Variants in MBD2 observed in about 807,000 individuals in gnomAD.
MBD2 encodes the protein methyl-CpG-binding domain protein 2.
A neutral mutation model predicts 39.3 loss-of-function variants in MBD2; 9 were observed. The ratio of observed to expected loss-of-function variants is 0.23; its 90% CI spans 0.14 to 0.40. The LOEUF (loss-of-function observed/expected upper bound fraction) is 0.40, where lower values mean the gene tolerates loss of function less well. Among genes scored for constraint, MBD2 ranks in the 10% least tolerant of loss-of-function variants. The pLI is 1.00. For missense variants in MBD2, 458 were observed against 532.6 expected, an observed-to-expected ratio of 0.86 and a Z score of 1.38; for synonymous variants, 233 against 211.1, an observed-to-expected ratio of 1.10 and a Z score of -0.90.
intron 1 of MBD2, among the ~76,000 whole-genome samples, chr18:54,209,297 CAAAAAAAAAA>C (rs34165824): frequency 4.4e-5 from 3 of 67,628 alleles, no homozygotes; most frequent in African/African-American, 7.2e-5. Context: ...ACTCCATCTC[CAAAAAAAAAA>C]AAAAAAAAAA....
At chr18:54,176,756 C>T (rs1429996747) in intron 3 of MBD2, among the ~76,000 whole-genome samples, 2 of 152,206 alleles carry the variant, frequency 1.3e-5, no homozygotes, top group African/African-American at 2.4e-5. Context: ...GAGCTACCCT[C>T]TTATTTTGTC....
At chr18:54,181,096 T>A (rs570093706) in intron 3 of MBD2, among the ~76,000 whole-genome samples, 1 of 152,076 alleles carries the variant, frequency 6.6e-6, no homozygotes, top group Admixed American at 6.5e-5. Flanking sequence ...GTTTTCACCA[T>A]GTTGGCCAGG....
chr18:54,198,870 T>C (rs759353528), intron 2 of MBD2, among the ~76,000 whole-genome samples: 2 of 152,316 alleles, frequency 1.3e-5, no homozygotes, highest in Middle Eastern at 3.4e-3. Context: ...TGTTCTTTGA[T>C]CATGCATTCT....
chr18:54,224,481 C>T lies in MBD2; in HGVS notation c.79G>A (p.Gly27Ser). ...CCCTGCTCTATGGCGGAGTCGCCGC[C>T]AGCGCCGCTGCCGCCCGCCGCACTC... is the stretch of plus-strand genomic sequence containing the variant. ...GESAAGGSGA[G>S]GDSAIEQGGQ... is the part of the protein sequence containing the mutation. The change falls in exon 1 of 7, where the codon GGC becomes AGC. Residue 27 changes from glycine to serine, a missense_variant. Physicochemically the swap from Gly to Ser is moderately conservative, Grantham distance 56. This residue lies in a region of MBD2 where 269 missense variants were observed against 236.0 expected (regional missense o/e 1.14). Coordinates refer to ENST00000256429, the MANE Select transcript of MBD2 (RefSeq NM_003927.5). The T allele has an allele frequency of 8.1e-7, 1 of 1,232,946 alleles. No homozygotes were observed. Among genetic ancestry groups the T allele is most frequent in the Non-Finnish European group, 1.0e-6 (1 of 989,678 alleles). The allele number at this position is 1,232,946 out of a possible 1,614,324, so 76.4% of individuals were successfully genotyped here.
At chr18:54,197,378 T>A (rs554508775) in intron 2 of MBD2, among the ~76,000 whole-genome samples, 25 of 152,332 alleles carry the variant, frequency 1.6e-4, no homozygotes, top group Admixed American at 1.4e-3. Context: ...GTACTACTCC[T>A]CCACTCCCTA....
intron 1 of MBD2, among the ~76,000 whole-genome samples, chr18:54,217,361 C>T (rs1399248308): frequency 6.6e-6 from 1 of 152,100 alleles, no homozygotes; most frequent in African/African-American, 2.4e-5. Flanking sequence ...TATTCTCCTT[C>T]CTTGGGAAGT....
chr18:54,191,572 G>C (rs1183170914), intron 2 of MBD2, among the ~76,000 whole-genome samples: 2 of 152,176 alleles, frequency 1.3e-5, no homozygotes, highest in Admixed American at 6.5e-5. Flanking sequence ...GTCTCCTGTT[G>C]CAACATTCCT....
chr18:54,160,019 T>C, intron 5 of MBD2, 116 bp from the exon 6 acceptor site: 3 of 1,204,956 alleles, frequency 2.5e-6, no homozygotes, highest in Non-Finnish European at 3.4e-6. Context: ...AGAATAGACT[T>C]CCTTTTCAGA....
At chr18:54,222,453 G>A in intron 1 of MBD2, 1 of 473,086 alleles carries the variant, frequency 2.1e-6, no homozygotes, top group South Asian at 1.5e-5. Context: ...TTAATGATGA[G>A]GAAATACAAA....
At chr18:54,180,635 A>C (rs915736095) in intron 3 of MBD2, among the ~76,000 whole-genome samples, 1 of 152,202 alleles carries the variant, frequency 6.6e-6, no homozygotes, top group Non-Finnish European at 1.5e-5. Context: ...GAAGATAATT[A>C]TAAAGAGATA....
intron 5 of MBD2, among the ~76,000 whole-genome samples, chr18:54,164,204 T>C (rs769269575): frequency 6.6e-6 from 1 of 152,166 alleles, no homozygotes; most frequent in Non-Finnish European, 1.5e-5. Flanking sequence ...TTCTTTAGAA[T>C]AGAAAGTCAG....
At chr18:54,156,016 T>G (rs1485814518) in intron 6 of MBD2, among the ~76,000 whole-genome samples, 1 of 152,068 alleles carries the variant, frequency 6.6e-6, no homozygotes, top group Non-Finnish European at 1.5e-5. Context: ...ATAAGCAGGA[T>G]TAGAAAGAGC....
intron 6 of MBD2, among the ~76,000 whole-genome samples, chr18:54,158,121 A>G (rs746390127): frequency 6.6e-6 from 1 of 152,114 alleles, no homozygotes; most frequent in Non-Finnish European, 1.5e-5. Flanking sequence ...TTCATGATCA[A>G]TCTCAAGTGG....
intron 3 of MBD2, among the ~76,000 whole-genome samples, chr18:54,175,668 T>A (rs2086207200): frequency 6.6e-6 from 1 of 152,188 alleles, no homozygotes; most frequent in Non-Finnish European, 1.5e-5. Flanking sequence ...AACTTGTGTC[T>A]TATTTCCTCA....
chr18:54,170,766 C>T (rs1173222991), intron 3 of MBD2, among the ~76,000 whole-genome samples: 2 of 152,164 alleles, frequency 1.3e-5, no homozygotes, highest in Non-Finnish European at 2.9e-5. Context: ...AGATCCAAAA[C>T]TAACTTCAAT....
At chr18:54,202,505 T>G (rs1052781285) in intron 2 of MBD2, among the ~76,000 whole-genome samples, 3 of 152,200 alleles carry the variant, frequency 2.0e-5, no homozygotes, top group Non-Finnish European at 4.4e-5. Flanking sequence ...ATTTTCTGCT[T>G]TATAGAACTA....
intron 2 of MBD2, among the ~76,000 whole-genome samples, chr18:54,198,240 T>C (rs1174303449): frequency 6.6e-6 from 1 of 152,192 alleles, no homozygotes; most frequent in Non-Finnish European, 1.5e-5. Context: ...CAGTAAGGCA[T>C]TACTTCATTA....
At chr18:54,205,283 A>G (rs928617259) in intron 1 of MBD2, 126 bp from the exon 2 acceptor site, 3 of 943,980 alleles carry the variant, frequency 3.2e-6, no homozygotes, top group African/African-American at 1.7e-5. Context: ...AAGAAATGTT[A>G]AAGTTTTGCT....
chr18:54,224,380 G>A lies in MBD2; in HGVS notation c.180C>T (p.Gly60=). The A allele has an allele frequency of 1.6e-6, 2 of 1,224,786 alleles. No individual in the cohort carries two copies. Among genetic ancestry groups the A allele is most frequent in the Non-Finnish European group, 2.0e-6 (2 of 981,500 alleles). 75.9% of individuals were successfully genotyped at this position (1,224,786 alleles called of 1,614,324 possible). ...RREGARGGGR[G]RGRWKQAGRG... ...GGCCCGCCTGCTTCCACCGCCCCCG[G>A]CCACGGCCGCCGCCCCGAGCGCCTT... The change falls in exon 1 of 7, where the codon GGC becomes GGT. Residue 60 remains glycine (G), a synonymous_variant. Coordinates refer to ENST00000256429, the MANE Select transcript of MBD2 (RefSeq NM_003927.5).
Sources: allele counts gnomAD v4.1 joint callset (sites outside exome capture counted in the v4.1 genomes callset), GRCh38; gene constraint gnomAD v4.1.1; regional missense constraint gnomAD v4.1.1; transcripts MANE v1.5; gene names NCBI Gene and HGNC (gene_info 2026-07-23, HGNC 2026-07-21).